The following RFTN1 variants were observed in gnomAD, a reference collection of about 807,000 sequenced individuals.
RFTN1 encodes the protein raftlin.
A neutral mutation model predicts 46.5 loss-of-function variants in RFTN1; 26 were observed. The ratio of observed to expected loss-of-function variants is 0.56; its 90% CI spans 0.41 to 0.78. The LOEUF is 0.78. RFTN1 is among the 30% of genes least tolerant of loss of function. The pLI is 0.00. For synonymous variants in RFTN1, 261 were observed against 284.2 expected (o/e 0.92, Z 0.82); for missense variants, 693 against 718.7 (o/e 0.96, Z 0.41).
Position 16,321,141 on chromosome 3 carries a change from T to TG in RFTN1, c.1332+2234dup, listed in dbSNP as rs1387554821. 3.3e-5 allele frequency among the ~76,000 whole-genome samples: 5 copies of TG among 151,622 alleles called. No individual in the cohort carries two copies. Among genetic ancestry groups the TG allele is most frequent in the Middle Eastern group, 3.5e-3 (1 of 288 alleles). On this transcript the variant is annotated intron_variant, in intron 9 of 9. Coordinates refer to ENST00000334133, the MANE Select transcript of RFTN1 (RefSeq NM_015150.2). This position sits in a 1 kb window ranked among gnomAD's most constrained non-coding sequence, Gnocchi z 4.8. ...TGCAATGCCATTCCTCTAGATAGGG[T>TG]GGCGGTTGGCCAGGTGGGCGAGGTA... is the stretch of plus-strand genomic sequence containing the variant.
rs1575203766 is a variant in RFTN1 at position 16,315,990 on chromosome 3, C to T, written c.*838G>A. 6.6e-6 allele frequency: 1 copy of T among 152,188 alleles called. No homozygotes were observed. Among genetic ancestry groups the T allele is most frequent in the Non-Finnish European group, 1.5e-5 (1 of 68,046 alleles). The allele number at this position is 152,188 out of a possible 1,614,324, so 9.4% of individuals were successfully genotyped here. A position where few individuals can be genotyped will look rare whatever the true frequency, so the allele number is the denominator to read the frequency against. On this transcript the variant is annotated 3_prime_UTR_variant, in exon 10 of 10. Coordinates refer to ENST00000334133, the MANE Select transcript of RFTN1 (RefSeq NM_015150.2). The stretch of plus-strand genomic sequence containing the variant: ...ACCTAAAGCCTTAATACTTTCTGGA[C>T]GATATACACATGATAAACACAGCAT...
chr3:16,386,547 A>T (rs2074180852), intron 4 of RFTN1, among the ~76,000 whole-genome samples: 1 of 152,238 alleles, frequency 6.6e-6, no homozygotes, highest in East Asian at 1.9e-4. Flanking sequence ...GCTACCTGTT[A>T]CGCTGCTCAG....
rs919450245 is a variant in RFTN1 at position 16,400,658 on chromosome 3, T to C, written c.441+8717A>G. On this transcript the variant is annotated intron_variant, in intron 4 of 9. Coordinates refer to ENST00000334133, the MANE Select transcript of RFTN1 (RefSeq NM_015150.2). The surrounding 1 kb of genome is among the most constrained non-coding windows in gnomAD (Gnocchi z 4.5). ...GAAGCACAAGAAAGTATCTCCTTTT[T>C]TGGGGAGTGATTGAGACAAGCGTAT... Among the ~76,000 whole-genome samples, 14 of 152,184 alleles carry C rather than the reference T, an allele frequency of 9.2e-5. No individual in the cohort carries two copies. Among genetic ancestry groups the C allele is most frequent in the African/African-American group, 3.1e-4 (13 of 41,438 alleles).
chr3:16,437,900 G>A (rs1195939481), intron 2 of RFTN1, among the ~76,000 whole-genome samples: 3 of 149,182 alleles, frequency 2.0e-5, no homozygotes, highest in African/African-American at 7.4e-5. Context: ...CAAGGCTGCT[G>A]AACCAAAAGG....
In RFTN1 at chr3:16,345,839, C is replaced by T. The variant is rs930863378; in HGVS notation, c.1146+12093G>A. Among the ~76,000 whole-genome samples the T allele has an allele frequency of 1.9e-4, 10 of 51,492 alleles. No individual in the cohort carries two copies. Among genetic ancestry groups the T allele is most frequent in the Non-Finnish European group, 2.8e-4 (7 of 24,876 alleles). 33.8% of individuals were successfully genotyped at this position (51,492 alleles called of 152,430 possible). ...GTGTGCGCGCGCGCGTGCGCGCACG[C>T]GCACATGTGCATGTGTATGTGTATA... On this transcript the variant is annotated intron_variant, in intron 7 of 9. Coordinates refer to ENST00000334133, the MANE Select transcript of RFTN1 (RefSeq NM_015150.2). The surrounding 1 kb of genome is among the most constrained non-coding windows in gnomAD (Gnocchi z 5.2).
intron 4 of RFTN1, among the ~76,000 whole-genome samples, chr3:16,398,310 C>T (rs842494): frequency 0.58 from 85,715 of 148,470 alleles, 25,134 homozygotes; most frequent in African/African-American, 0.72. Flanking sequence ...TTACTTACAA[C>T]GTGTGTGCCT....
chr3:16,510,560 G>A (rs966721699), intron 1 of RFTN1, among the ~76,000 whole-genome samples: 2 of 152,146 alleles, frequency 1.3e-5, no homozygotes, highest in African/African-American at 4.8e-5. Flanking sequence ...GTTCCCCACT[G>A]CCTCAGATTC....
chr3:16,389,473 A>T (rs113282831), intron 4 of RFTN1, among the ~76,000 whole-genome samples: 11 of 131,864 alleles, frequency 8.3e-5, no homozygotes, highest in African/African-American at 3.4e-4. Flanking sequence ...TTTGAGTAAC[A>T]AATAGGAGAT....
chr3:16,327,164 T>C lies in RFTN1; in HGVS notation c.1147-288A>G, dbSNP rs537231023. 1.3e-5 allele frequency among the ~76,000 whole-genome samples: 2 copies of C among 152,328 alleles called. No homozygotes were observed. Among genetic ancestry groups the C allele is most frequent in the African/African-American group, 2.4e-5 (1 of 41,584 alleles). On this transcript the variant is annotated intron_variant, in intron 7 of 9. Transcript: ENST00000334133. The surrounding 1 kb of genome is among the most constrained non-coding windows in gnomAD (Gnocchi z 4.2). ...TTGATTCTTGTCTGGACAAATAGCC[T>C]CCTGTGAGTTTCACTGACGAAGCAT...
chr3:16,482,237 G>C (rs1439616425), intron 2 of RFTN1, among the ~76,000 whole-genome samples: 1 of 152,174 alleles, frequency 6.6e-6, no homozygotes, highest in Non-Finnish European at 1.5e-5. Context: ...CACCCTATTT[G>C]TCAGGCTCCC....
chr3:16,431,600 A>G (rs1464170), intron 3 of RFTN1, among the ~76,000 whole-genome samples: 119,112 of 151,968 alleles, frequency 0.78, 46,762 homozygotes, highest in South Asian at 0.85. Context: ...AGGATGTGCC[A>G]GTGATCTGAC....
intron 2 of RFTN1, among the ~76,000 whole-genome samples, chr3:16,434,361 TAA>T (rs1559345290): frequency 3.3e-4 from 46 of 138,152 alleles, no homozygotes; most frequent in African/African-American, 1.1e-3. Flanking sequence ...CGGTCTCTCT[TAA>T]ACAAACAAAC....
chr3:16,395,163 A>G (rs1169663023), intron 4 of RFTN1, among the ~76,000 whole-genome samples: 1 of 152,244 alleles, frequency 6.6e-6, no homozygotes, highest in African/African-American at 2.4e-5. Flanking sequence ...CTCAAATGTT[A>G]TATGCCAAAG....
At chr3:16,371,852 G>C (rs1195811167) in intron 5 of RFTN1, among the ~76,000 whole-genome samples, 2 of 152,198 alleles carry the variant, frequency 1.3e-5, no homozygotes, top group Admixed American at 6.5e-5. Context: ...AGGTCTTGGT[G>C]TATAGAACTG....
chr3:16,455,258 G>T (rs1476776567), intron 2 of RFTN1, among the ~76,000 whole-genome samples: 2 of 152,220 alleles, frequency 1.3e-5, no homozygotes, highest in Non-Finnish European at 2.9e-5. Flanking sequence ...TAACGATTAC[G>T]TGGAGAAATG....
At chr3:16,454,213 T>C (rs879424931) in intron 2 of RFTN1, among the ~76,000 whole-genome samples, 1 of 152,238 alleles carries the variant, frequency 6.6e-6, no homozygotes, top group African/African-American at 2.4e-5. Flanking sequence ...CCCACTCTTA[T>C]ATATCTTTAC....
chr3:16,411,704 C>A (rs183081688), intron 3 of RFTN1, among the ~76,000 whole-genome samples: 1 of 152,260 alleles, frequency 6.6e-6, no homozygotes, highest in African/African-American at 2.4e-5. Flanking sequence ...CACTGTCATA[C>A]GTACCATGTG....
Position 16,402,027 on chromosome 3 carries a change from C to G in RFTN1, c.441+7348G>C, listed in dbSNP as rs1360906265. ...TTTCTTGCAAGTCCCAGCCCAACAA[C>G]CACAGCTGCCTTCTGGAATGTTCCC... On this transcript the variant is annotated intron_variant, in intron 4 of 9. Coordinates refer to ENST00000334133, the MANE Select transcript of RFTN1 (RefSeq NM_015150.2). This position sits in a 1 kb window ranked among gnomAD's most constrained non-coding sequence, Gnocchi z 4.5. Among the ~76,000 whole-genome samples the G allele has an allele frequency of 6.6e-6, 1 of 152,222 alleles. No individual in the cohort carries two copies. Among genetic ancestry groups the G allele is most frequent in the East Asian group, 1.9e-4 (1 of 5,200 alleles).
At position 16,444,846 on chromosome 3, in the gene RFTN1, G is replaced by A. The variant is rs73146206; in HGVS notation, c.146-10809C>T. Among the ~76,000 whole-genome samples, 807 of 152,214 alleles carry A rather than the reference G, an allele frequency of 5.3e-3. 10 individuals are homozygous for A. The highest frequency in any genetic ancestry group is 0.018 in the African/African-American group (758 of 41,534). On this transcript the variant is annotated intron_variant, in intron 2 of 9. Coordinates refer to ENST00000334133, the MANE Select transcript of RFTN1 (RefSeq NM_015150.2). Reference sequence around the variant, plus strand: ...ACCACCACTACAACCACCATCACTCGCTGTTTTACCAAAAACTGGGTAAGT... The same window carrying A: ...ACCACCACTACAACCACCATCACTCACTGTTTTACCAAAAACTGGGTAAGT...
Sources: gnomAD v4.1 joint callset for allele counts (sites outside exome capture counted in the v4.1 genomes callset) on GRCh38, gnomAD v4.1.1 for gene constraint, Gnocchi (gnomAD v3.1) non-coding constraint, MANE v1.5 for transcripts, NCBI Gene and HGNC (gene_info 2026-07-23, HGNC 2026-07-21) for gene names.